C12orf56: variants seen among roughly 807,000 people sequenced by gnomAD.
C12orf56 encodes uncharacterized protein C12orf56.
Under a neutral mutation model 69.9 loss-of-function variants are expected in C12orf56, and 71 were observed. The observed-to-expected ratio is 1.02, with a 90% CI of 0.84 to 1.24. C12orf56 has a LOEUF of 1.24. C12orf56 is among the 50% of genes most tolerant of loss of function. The pLI is 0.00. For synonymous variants in C12orf56, 276 were observed against 274.1 expected (o/e 1.01, Z -0.07); for missense variants, 732 against 738.5 (o/e 0.99, Z 0.10).
intron 2 of C12orf56, among the ~76,000 whole-genome samples, chr12:64,340,399 A>G (rs2039059970): frequency 6.6e-6 from 1 of 152,160 alleles, no homozygotes; most frequent in African/African-American, 2.4e-5. Context: ...GACACTCAGT[A>G]TTAACCATCA....
chr12:64,275,054 AT>A (rs2038033497), intron 10 of C12orf56, 79 bp from the exon 11 acceptor site: 4 of 1,284,922 alleles, frequency 3.1e-6, no homozygotes, highest in African/African-American at 3.0e-5. Context: ...TCTTAAATAC[AT>A]TTTTATCCTG....
rs1555188292 is a variant in C12orf56 at position 64,308,980 on chromosome 12, G to GAAAGAAAGAAAGAAAGAGAAAGAAAGA, written c.968+3698_968+3699insTCTTTCTTTCTCTTTCTTTCTTTCTTT. ...GAAAGAAAGAAAGAAAGAAAAGAAA[G>GAAAGAAAGAAAGAAAGAGAAAGAAAGA]AAAGAAAAGAAAGAAGGAAAGAAAG... On this transcript the variant is annotated intron_variant, in intron 5 of 12. Coordinates refer to ENST00000543942, the MANE Select transcript of C12orf56 (RefSeq NM_001170633.2). Among the ~76,000 whole-genome samples the GAAAGAAAGAAAGAAAGAGAAAGAAAGA allele has an allele frequency of 9.5e-4, 115 of 121,692 alleles. 2 individuals are homozygous for GAAAGAAAGAAAGAAAGAGAAAGAAAGA. The highest frequency in any genetic ancestry group is 3.2e-3 in the African/African-American group (110 of 34,560). 79.8% of individuals were successfully genotyped at this position (121,692 alleles called of 152,430 possible). A position where few individuals can be genotyped will look rare whatever the true frequency, so the allele number is the denominator to read the frequency against.
chr12:64,346,477 A>G (rs1396908191), intron 2 of C12orf56, among the ~76,000 whole-genome samples: 1 of 152,180 alleles, frequency 6.6e-6, no homozygotes, highest in African/African-American at 2.4e-5. Flanking sequence ...AAAACTTTGC[A>G]TCCTTCAATT....
rs532883645 is a variant in C12orf56, at chr12:64,300,359, C to T, written c.1113+3276G>A. Among the ~76,000 whole-genome samples, 33 of 152,204 alleles carry T rather than the reference C, an allele frequency of 2.2e-4. 1 individual carries two copies. In the South Asian group the frequency reaches 6.6e-3, roughly 31 times the overall value. On this transcript the variant is annotated intron_variant, in intron 6 of 12. Transcript: ENST00000543942. Reference sequence around the variant, plus strand: ...TCTTTTTTTGTTCCACAGCCTAGGCCACAGGTATCAGGCCTGTTTTTAAAC... The same window carrying T: ...TCTTTTTTTGTTCCACAGCCTAGGCTACAGGTATCAGGCCTGTTTTTAAAC...
intron 1 of C12orf56, among the ~76,000 whole-genome samples, chr12:64,384,015 A>G (rs1205238343): frequency 6.6e-6 from 1 of 152,248 alleles, no homozygotes; most frequent in Non-Finnish European, 1.5e-5. Flanking sequence ...AACAACTAGC[A>G]TTGATTGCTT....
intron 11 of C12orf56, among the ~76,000 whole-genome samples, chr12:64,273,203 G>C (rs1317859149): frequency 6.6e-6 from 1 of 151,694 alleles, no homozygotes; most frequent in African/African-American, 2.4e-5. Context: ...GCTGAGGCAG[G>C]AGAATTGCTT....
At chr12:64,331,816 T>C (rs1282838400) in intron 2 of C12orf56, among the ~76,000 whole-genome samples, 1 of 152,120 alleles carries the variant, frequency 6.6e-6, no homozygotes, top group Non-Finnish European at 1.5e-5. Context: ...AATTACCTAG[T>C]CTAAGGTATT....
chr12:64,308,475 ACAT>A lies in C12orf56; in HGVS notation c.968+4201_968+4203del, dbSNP rs558036268. ...CTTTCAAAAAATTTTTTTCTATATC[ACAT>A]CATCAAGCAATAAAATTTTTTATTA... is the stretch of plus-strand genomic sequence containing the variant. On this transcript the variant is annotated intron_variant, in intron 5 of 12. Transcript: ENST00000543942. Among the ~76,000 whole-genome samples the A allele has an allele frequency of 5.1e-3, 782 of 152,138 alleles. 7 individuals carry two copies. The highest frequency in any genetic ancestry group is 0.018 in the African/African-American group (749 of 41,492).
chr12:64,308,908 G>GA (rs1426085145), intron 5 of C12orf56, among the ~76,000 whole-genome samples: 2 of 57,828 alleles, frequency 3.5e-5, no homozygotes, highest in Admixed American at 2.1e-4. Context: ...AAGAAAGAAA[G>GA]AAAGAAAGAA....
chr12:64,273,749 T>C (rs2136746919), intron 11 of C12orf56, among the ~76,000 whole-genome samples: 1 of 152,340 alleles, frequency 6.6e-6, no homozygotes, highest in African/African-American at 2.4e-5. Context: ...GTGGGTGCTA[T>C]GCCGAAGGAA....
chr12:64,265,931 A>G lies in C12orf56; in HGVS notation c.*1252T>C, dbSNP rs1400366645. 1 of 152,236 alleles carries G rather than the reference A, an allele frequency of 6.6e-6. No individual in the cohort carries two copies. The highest frequency in any genetic ancestry group is 1.5e-5 in the Non-Finnish European group (1 of 68,038). The allele number at this position is 152,236 out of a possible 1,614,324, so 9.4% of individuals were successfully genotyped here. ...ACTGCTCGTAGACAATTTATCTTTC[A>G]TAGAGACTCTATGGGACTACACAAA... On this transcript the variant is annotated 3_prime_UTR_variant, in exon 13 of 13. Coordinates refer to ENST00000543942, the MANE Select transcript of C12orf56 (RefSeq NM_001170633.2).
intron 1 of C12orf56, among the ~76,000 whole-genome samples, chr12:64,379,684 G>A (rs1379848188): frequency 6.6e-6 from 1 of 152,022 alleles, no homozygotes; most frequent in Non-Finnish European, 1.5e-5. Context: ...CCCACAGTGA[G>A]AGCCTTAAAA....
intron 11 of C12orf56, among the ~76,000 whole-genome samples, chr12:64,273,574 G>A (rs146196486): frequency 9.1e-4 from 139 of 152,294 alleles, no homozygotes; most frequent in Middle Eastern, 6.8e-3. Flanking sequence ...TGTATCAGTC[G>A]TGATGGACTA....
At chr12:64,303,080 C>G (rs1023331015) in intron 6 of C12orf56, among the ~76,000 whole-genome samples, 3 of 152,050 alleles carry the variant, frequency 2.0e-5, no homozygotes, top group African/African-American at 7.2e-5. Context: ...CAAGACCAAC[C>G]TGGCCGACAT....
At chr12:64,389,529 TC>T (rs1249805305) in intron 1 of C12orf56, 1 of 152,356 alleles carries the variant, frequency 6.6e-6, no homozygotes, top group Non-Finnish European at 1.5e-5. Context: ...TCTCACTCAT[TC>T]TGTAGCTCAG....
intron 3 of C12orf56, among the ~76,000 whole-genome samples, chr12:64,321,325 C>A (rs1455107524): frequency 6.6e-6 from 1 of 152,108 alleles, no homozygotes; most frequent in Non-Finnish European, 1.5e-5. Context: ...AGATTAGAAC[C>A]TCCACGATAG....
At chr12:64,332,928 A>G (rs1175394947) in intron 2 of C12orf56, among the ~76,000 whole-genome samples, 2 of 152,132 alleles carry the variant, frequency 1.3e-5, no homozygotes, top group African/African-American at 4.8e-5. Flanking sequence ...TCTTCCAACA[A>G]ATTCCCCTTG....
chr12:64,382,870 CAAAAAA>C (rs57099747), intron 1 of C12orf56, among the ~76,000 whole-genome samples: 4 of 132,146 alleles, frequency 3.0e-5, no homozygotes, highest in Non-Finnish European at 6.3e-5. Context: ...GACTCCGTTT[CAAAAAA>C]AAAAAAAAAA....
chr12:64,284,600 C>A, intron 8 of C12orf56, 64 bp downstream of exon 8: 1 of 1,176,272 alleles, frequency 8.5e-7, no homozygotes, highest in South Asian at 1.4e-5. Flanking sequence ...CTTTGGAAGA[C>A]ACTTAATAAG....
Sources: allele counts gnomAD v4.1 joint callset (sites outside exome capture counted in the v4.1 genomes callset), GRCh38; gene constraint gnomAD v4.1.1; transcripts MANE v1.5; gene names NCBI Gene and HGNC (gene_info 2026-07-23, HGNC 2026-07-21).